KCNJ15: variants seen among roughly 807,000 people sequenced by gnomAD.
KCNJ15 encodes the protein potassium inwardly rectifying channel subfamily J member 15, also known as ATP-sensitive inward rectifier potassium channel 15.
Under a neutral mutation model 23.0 loss-of-function variants are expected in KCNJ15, and 14 were observed. That is an observed-to-expected ratio of 0.61 (90% confidence interval 0.40 to 0.95). The LOEUF (loss-of-function observed/expected upper bound fraction) is 0.95. KCNJ15 is among the 40% of genes least tolerant of loss of function. The probability of loss-of-function intolerance (pLI) is 0.00; values close to 1 mark genes in which losing one functional copy is unlikely to be tolerated. For missense variants in KCNJ15, 388 were observed against 461.8 expected (o/e 0.84, Z 1.46); for synonymous variants, 185 against 183.2 (o/e 1.01, Z -0.08).
intron 1 of KCNJ15, among the ~76,000 whole-genome samples, chr21:38,268,517 A>T (rs548186326): frequency 3.0e-4 from 45 of 151,576 alleles, no homozygotes; most frequent in African/African-American, 1.0e-3. Flanking sequence ...TGGAGAGGAG[A>T]AAACAAATAT....
intron 1 of KCNJ15, among the ~76,000 whole-genome samples, chr21:38,231,551 A>G (rs911158955): frequency 6.6e-6 from 1 of 151,992 alleles, no homozygotes; most frequent in Non-Finnish European, 1.5e-5. Flanking sequence ...GTCTTTCACC[A>G]TTAAGTATGA....
intron 1 of KCNJ15, among the ~76,000 whole-genome samples, chr21:38,263,599 C>A (rs1981149610): frequency 6.6e-6 from 1 of 152,180 alleles, no homozygotes; most frequent in Admixed American, 6.5e-5. Context: ...CCTCCCTGAC[C>A]ACAACTATGA....
At chr21:38,289,887 G>A (rs1239051603) in intron 1 of KCNJ15, among the ~76,000 whole-genome samples, 1 of 152,222 alleles carries the variant, frequency 6.6e-6, no homozygotes, top group Non-Finnish European at 1.5e-5. Context: ...TGTGATTAGA[G>A]GGAGAATATG....
intron 1 of KCNJ15, among the ~76,000 whole-genome samples, chr21:38,249,721 T>C (rs74567600): frequency 0.012 from 1,768 of 152,314 alleles, 31 homozygotes; most frequent in African/African-American, 0.041. Flanking sequence ...ATTCTTCAGG[T>C]CAGACAGTCA....
intron 1 of KCNJ15, among the ~76,000 whole-genome samples, chr21:38,294,403 AAGACGTGGAATG>A (rs1215089786): frequency 1.3e-5 from 2 of 152,204 alleles, no homozygotes. Context: ...CCCTGGTTAA[AAGACGTGGAATG>A]AGCTCGCTGA....
At chr21:38,251,236 C>T (rs1359021252) in intron 1 of KCNJ15, among the ~76,000 whole-genome samples, 1 of 152,168 alleles carries the variant, frequency 6.6e-6, no homozygotes, top group Admixed American at 6.5e-5. Context: ...CCTTCTTTGA[C>T]GGGAATTGCC....
At chr21:38,296,190 T>C (rs556843311) in intron 1 of KCNJ15, among the ~76,000 whole-genome samples, 114 of 152,222 alleles carry the variant, frequency 7.5e-4, no homozygotes, top group African/African-American at 2.7e-3. Context: ...AGACCGGTAA[T>C]AAATAGATAG....
upstream of KCNJ15, among the ~76,000 whole-genome samples, chr21:38,252,068 C>T (rs182843752): frequency 6.6e-6 from 1 of 152,186 alleles, no homozygotes; most frequent in African/African-American, 2.4e-5. Flanking sequence ...CAAGGGGAGA[C>T]AGGCGATTCT....
chr21:38,282,012 T>G (rs1983402460), intron 1 of KCNJ15, among the ~76,000 whole-genome samples: 1 of 152,166 alleles, frequency 6.6e-6, no homozygotes, highest in African/African-American at 2.4e-5. Context: ...ATTTCTCTAG[T>G]GATTAGTGAT....
chr21:38,248,356 T>A (rs1979596584), intron 1 of KCNJ15, among the ~76,000 whole-genome samples: 1 of 152,228 alleles, frequency 6.6e-6, no homozygotes, highest in East Asian at 1.9e-4. Flanking sequence ...GCACAAACTT[T>A]ATAGCTTATC....
chr21:38,262,084 C>CA (rs771407142), intron 1 of KCNJ15, among the ~76,000 whole-genome samples: 4 of 152,146 alleles, frequency 2.6e-5, no homozygotes, highest in Non-Finnish European at 4.4e-5. Context: ...ACCTCTTTGC[C>CA]AAAAAATACA....
intron 1 of KCNJ15, among the ~76,000 whole-genome samples, chr21:38,235,078 A>G (rs1338136367): frequency 2.0e-5 from 3 of 152,216 alleles, no homozygotes; most frequent in Non-Finnish European, 1.5e-5. Context: ...ACTTTCAGGA[A>G]AAATAAAATC....
At chr21:38,260,225 C>T (rs147750270) in intron 1 of KCNJ15, among the ~76,000 whole-genome samples, 7 of 152,168 alleles carry the variant, frequency 4.6e-5, no homozygotes, top group South Asian at 2.1e-4. Context: ...AAAGGCCAGG[C>T]GAGAAAGTTG....
At chr21:38,247,858 A>C (rs988652401) in intron 1 of KCNJ15, among the ~76,000 whole-genome samples, 22 of 152,120 alleles carry the variant, frequency 1.4e-4, no homozygotes, top group Admixed American at 1.4e-3. Flanking sequence ...GTGCCTCCCA[A>C]TCTCACCCCA....
chr21:38,261,689 C>A (rs1253398593), intron 1 of KCNJ15, among the ~76,000 whole-genome samples: 1 of 152,202 alleles, frequency 6.6e-6, no homozygotes, highest in Non-Finnish European at 1.5e-5. Flanking sequence ...GCTATCAAAG[C>A]TGCTTTTCCT....
rs192165427 is a variant in KCNJ15 at position 38,302,690 on chromosome 21, C to T, written c.*2301C>T. On this transcript the variant is annotated 3_prime_UTR_variant, in exon 3 of 3. Coordinates refer to ENST00000398938, the MANE Select transcript of KCNJ15 (RefSeq NM_170736.3). Reference sequence around the variant, plus strand: ...CTGTTGCACTATTAAATTCTTTTCACAGTATTCATATCAATGCTAATTTGA... The same window carrying T: ...CTGTTGCACTATTAAATTCTTTTCATAGTATTCATATCAATGCTAATTTGA... 1.3e-4 allele frequency: 20 copies of T among 152,206 alleles called. No homozygotes were observed. In the East Asian group the frequency reaches 2.7e-3, roughly 21 times the overall value. 9.4% of individuals were successfully genotyped at this position (152,206 alleles called of 1,614,324 possible). A position where few individuals can be genotyped will look rare whatever the true frequency, so the allele number is the denominator to read the frequency against.
intron 1 of KCNJ15, among the ~76,000 whole-genome samples, chr21:38,286,259 A>C (rs1983894088): frequency 6.6e-6 from 1 of 152,040 alleles, no homozygotes; most frequent in Admixed American, 6.5e-5. Context: ...AAAAACAAAA[A>C]CAAAAACAAA....
chr21:38,303,828 T>G lies in KCNJ15; in HGVS notation c.*3439T>G, dbSNP rs1476127104. ...GAAAAAAATAGTGGCATTTGCACTC[T>G]AGCATTATTCTGTCTCCCTTATTTG... On this transcript the variant is annotated 3_prime_UTR_variant, in exon 3 of 3. Transcript: ENST00000398938. 1 of 152,242 alleles carries G rather than the reference T, an allele frequency of 6.6e-6. No homozygotes were observed. The highest frequency in any genetic ancestry group is 2.4e-5 in the African/African-American group (1 of 41,456). 9.4% of individuals were successfully genotyped at this position (152,242 alleles called of 1,614,324 possible). A position where few individuals can be genotyped will look rare whatever the true frequency, so the allele number is the denominator to read the frequency against.
chr21:38,267,733 T>A lies in KCNJ15; in HGVS notation c.-117+10548T>A, dbSNP rs77296547. Among the ~76,000 whole-genome samples the A allele has an allele frequency of 1.4e-3, 211 of 152,324 alleles. 1 individual carries two copies. Among genetic ancestry groups the A allele is most frequent in the African/African-American group, 4.7e-3 (197 of 41,572 alleles). ...AAGCCTGAGAGAAACTGAGAGATTATCATTTGGCTGGCAGAGCAGAGTTCT... is the reference window on the plus strand; with the variant it reads ...AAGCCTGAGAGAAACTGAGAGATTAACATTTGGCTGGCAGAGCAGAGTTCT... On this transcript the variant is annotated intron_variant, in intron 1 of 2. Transcript: ENST00000398938.
Sources: gnomAD v4.1 joint callset for allele counts (sites outside exome capture counted in the v4.1 genomes callset) on GRCh38, gnomAD v4.1.1 for gene constraint, MANE v1.5 for transcripts, NCBI Gene and HGNC (gene_info 2026-07-23, HGNC 2026-07-21) for gene names.